The following PCDHGB1 variants were observed in gnomAD, a reference collection of about 807,000 sequenced individuals.
The protein encoded by PCDHGB1 is protocadherin gamma subfamily B, 1, also known as protocadherin gamma-B1.
A neutral mutation model predicts 56.6 loss-of-function variants in PCDHGB1; 34 were observed. The observed-to-expected ratio is 0.60, with a 90% CI of 0.46 to 0.80. The LOEUF is 0.80. Ranked by LOEUF, PCDHGB1 falls within the 30% of genes least tolerant of loss-of-function variation. The probability of loss-of-function intolerance (pLI) is 0.00; values close to 1 mark genes in which losing one functional copy is unlikely to be tolerated. For synonymous variants in PCDHGB1, 561 were observed against 505.9 expected, an observed-to-expected ratio of 1.11 and a Z score of -1.46; for missense variants, 1,278 against 1,204.6, an observed-to-expected ratio of 1.06 and a Z score of -0.90.
chr5:141,360,308 T>C, intron 1 of PCDHGB1: 2 of 1,613,902 alleles, frequency 1.2e-6, no homozygotes, highest in Non-Finnish European at 1.7e-6. Context: ...GGGCTCAGCG[T>C]CCGGGACTTG....
chr5:141,372,131 G>A lies in PCDHGB1; in HGVS notation c.2409+19462G>A, dbSNP rs181587030. 4.2e-4 allele frequency: 682 copies of A among 1,613,644 alleles called. 9 individuals are homozygous for A. The East Asian group carries it at 8.2e-3, about 19-fold the overall frequency. On this transcript the variant is annotated intron_variant, in intron 1 of 3. Transcript: ENST00000523390. ...GCTCTGCGCTCTTCGATATGGTGCCGCGCTCTGCAGAGCCTGGCTACCTGG... is the reference window on the plus strand; with the variant it reads ...GCTCTGCGCTCTTCGATATGGTGCCACGCTCTGCAGAGCCTGGCTACCTGG...
chr5:141,462,336 T>C (rs2099037439), intron 1 of PCDHGB1, among the ~76,000 whole-genome samples: 1 of 152,238 alleles, frequency 6.6e-6, no homozygotes, highest in African/African-American at 2.4e-5. Flanking sequence ...TTTAATTGTA[T>C]TGTGATCCAA....
chr5:141,417,658 G>C, intron 1 of PCDHGB1: 2 of 869,072 alleles, frequency 2.3e-6, no homozygotes, highest in Non-Finnish European at 1.7e-6. Context: ...TCTAGCCTGG[G>C]ATTCCCTGCG....
At chr5:141,409,796 C>T (rs750405889) in intron 1 of PCDHGB1, 1 of 1,611,944 alleles carries the variant, frequency 6.2e-7, no homozygotes, top group Non-Finnish European at 8.5e-7. Context: ...CGCGCTCACG[C>T]TGCAGGCCCG....
chr5:141,364,280 G>A, intron 1 of PCDHGB1: 1 of 1,516,138 alleles, frequency 6.6e-7, no homozygotes, highest in African/African-American at 1.4e-5. Context: ...GATAAATAAG[G>A]AAACAGCAGG....
At chr5:141,498,947 AAAAG>A (rs1475471777) in intron 2 of PCDHGB1, among the ~76,000 whole-genome samples, 1 of 145,446 alleles carries the variant, frequency 6.9e-6, no homozygotes, top group African/African-American at 2.6e-5. Context: ...GAAAGAAAGA[AAAAG>A]AGAGAGAGGG....
chr5:141,361,369 C>G (rs768974376), intron 1 of PCDHGB1: 3 of 1,613,948 alleles, frequency 1.9e-6, no homozygotes, highest in African/African-American at 1.3e-5. Context: ...CGCTCTGGAC[C>G]GGGAGGAGAT....
intron 1 of PCDHGB1, chr5:141,479,494 G>C (rs747201739): frequency 2.6e-5 from 4 of 152,256 alleles, no homozygotes; most frequent in Non-Finnish European, 5.9e-5. Flanking sequence ...CCATCAGGTT[G>C]CCTAAAGAGG....
At chr5:141,356,306 T>G in intron 1 of PCDHGB1, 2 of 1,554,168 alleles carry the variant, frequency 1.3e-6, no homozygotes, top group Non-Finnish European at 1.7e-6. Flanking sequence ...ATTGCACTTT[T>G]CAACGTGCAT....
chr5:141,404,897 C>T, intron 1 of PCDHGB1: 2 of 1,613,920 alleles, frequency 1.2e-6, no homozygotes, highest in Non-Finnish European at 1.7e-6. Flanking sequence ...TGTACAGGAC[C>T]ATGGCCAGCC....
intron 2 of PCDHGB1, among the ~76,000 whole-genome samples, chr5:141,497,603 G>A (rs1045138662): frequency 3.3e-5 from 5 of 149,832 alleles, no homozygotes; most frequent in Non-Finnish European, 7.4e-5. Context: ...GCAGTGGTGC[G>A]ATCTTGGCTC....
At chr5:141,370,834 T>C in intron 1 of PCDHGB1, 1 of 1,614,012 alleles carries the variant, frequency 6.2e-7, no homozygotes. Context: ...GAACTGGCTC[T>C]CACTGGAGCC....
At chr5:141,376,251 G>T in intron 1 of PCDHGB1, 1 of 1,614,228 alleles carries the variant, frequency 6.2e-7, no homozygotes, top group Non-Finnish European at 8.5e-7. Context: ...CACAAGTCAC[G>T]CCTGCTGCAG....
rs1430797606 is a variant in PCDHGB1 at position 141,370,494 on chromosome 5, C to T, written c.2409+17825C>T. On this transcript the variant is annotated intron_variant, in intron 1 of 3. Coordinates refer to ENST00000523390, the MANE Select transcript of PCDHGB1 (RefSeq NM_018922.3). ...AGACCAGGCTCTCTCCGAACCGATC[C>T]GCTACGCTATTCCCGAGGAGCTGGA... 3.1e-6 allele frequency: 5 copies of T among 1,613,784 alleles called. No homozygotes were observed. The African/African-American group carries it at 5.3e-5, about 17-fold the overall frequency.
At chr5:141,393,890 T>C (rs1207998765) in intron 1 of PCDHGB1, 2 of 1,613,958 alleles carry the variant, frequency 1.2e-6, no homozygotes, top group South Asian at 2.2e-5. Flanking sequence ...TGTTAGAAAA[T>C]TCTCTTCCCG....
intron 1 of PCDHGB1, among the ~76,000 whole-genome samples, chr5:141,494,039 G>A (rs901795348): frequency 2.0e-5 from 3 of 152,144 alleles, no homozygotes; most frequent in Non-Finnish European, 4.4e-5. Context: ...GACTTAGTTG[G>A]CCCTGCTTGG....
At chr5:141,372,971 AG>A in intron 1 of PCDHGB1, 1 of 677,376 alleles carries the variant, frequency 1.5e-6, no homozygotes, top group South Asian at 2.2e-5. Context: ...AATTTCCTGT[AG>A]AATATCTGTG....
intron 1 of PCDHGB1, among the ~76,000 whole-genome samples, chr5:141,451,107 C>G (rs768308463): frequency 1.2e-4 from 18 of 152,118 alleles, no homozygotes; most frequent in Non-Finnish European, 2.4e-4. Context: ...GGATTACAGG[C>G]GTGAGCCACC....
Position 141,351,405 on chromosome 5 carries a change from C to A in PCDHGB1, c.1145C>A (p.Thr382Asn). 1 of 1,611,372 alleles carries A rather than the reference C, an allele frequency of 6.2e-7. No homozygotes were observed. Among genetic ancestry groups the A allele is most frequent in the Non-Finnish European group, 8.5e-7 (1 of 1,178,520 alleles). The change falls in exon 1 of 4, where the codon ACT becomes AAT. Residue 382 changes from threonine to asparagine, a missense_variant. Transcript: ENST00000523390. ...SGQNGMVTCY[T>N]QEEVPFKLES... ...CAAAATGGCATGGTGACATGCTATA[C>A]TCAGGAAGAAGTTCCTTTCAAATTA...
Sources: gnomAD v4.1 joint callset for allele counts (sites outside exome capture counted in the v4.1 genomes callset) on GRCh38, gnomAD v4.1.1 for gene constraint, MANE v1.5 for transcripts, NCBI Gene and HGNC (gene_info 2026-07-23, HGNC 2026-07-21) for gene names.